The following HDX variants were observed in gnomAD, a reference collection of about 807,000 sequenced individuals.
The protein encoded by HDX is highly divergent homeobox.
In HDX, 19 loss-of-function variants were observed where a neutral mutation model predicts 45.2. That is an observed-to-expected ratio of 0.42 (90% CI 0.29 to 0.62). The LOEUF (loss-of-function observed/expected upper bound fraction) is 0.62, where lower values mean the gene tolerates loss of function less well. Among genes scored for constraint, HDX ranks in the 20% least tolerant of loss-of-function variants. HDX has a pLI of 0.20. For synonymous variants in HDX, 188 were observed against 172.8 expected (o/e 1.09, Z -0.69); for missense variants, 532 against 493.9 (o/e 1.08, Z -0.73).
chrX:84,326,612 G>A (rs1174083158), intron 9 of HDX, among the ~76,000 whole-genome samples: 1 of 111,121 alleles, frequency 9.0e-6, no homozygotes, highest in Non-Finnish European at 1.9e-5. Context: ...TTGGCATTCA[G>A]ATTAAGATTA....
At chrX:84,327,095 C>T (rs1056142269) in intron 9 of HDX, among the ~76,000 whole-genome samples, 7 of 111,515 alleles carry the variant, frequency 6.3e-5, no homozygotes, top group African/African-American at 2.3e-4. Flanking sequence ...TGAGCCTCCA[C>T]AGATTAAGTA....
At chrX:84,356,744 T>A (rs2147836340) in intron 6 of HDX, among the ~76,000 whole-genome samples, 1 of 105,728 alleles carries the variant, frequency 9.5e-6, no homozygotes, top group East Asian at 3.1e-4. Context: ...TGCCTCAGCT[T>A]CCCGAGTAGC....
chrX:84,417,169 A>AGAAT (rs1306200379), intron 5 of HDX, among the ~76,000 whole-genome samples: 1 of 106,245 alleles, frequency 9.4e-6, no homozygotes, highest in Admixed American at 1.0e-4. Context: ...AAAGAAAGAA[A>AGAAT]GAATGAAAGA....
chrX:84,478,327 A>G (rs2040600208), intron 2 of HDX, among the ~76,000 whole-genome samples: 1 of 111,738 alleles, frequency 8.9e-6, no homozygotes, highest in South Asian at 3.7e-4. Context: ...CAATGAGTAT[A>G]ATTTTTTAGA....
At chrX:84,455,808 G>T (rs1471175148) in intron 4 of HDX, among the ~76,000 whole-genome samples, 2 of 111,999 alleles carry the variant, frequency 1.8e-5, no homozygotes, top group Non-Finnish European at 3.8e-5. Context: ...GGATAAAAAA[G>T]AATCCTAAAA....
At chrX:84,498,184 G>A (rs1191219273) in intron 1 of HDX, among the ~76,000 whole-genome samples, 1 of 111,518 alleles carries the variant, frequency 9.0e-6, no homozygotes, top group African/African-American at 3.3e-5. Context: ...CTTTACAGAT[G>A]GAAGATGTAA....
intron 4 of HDX, 149 bp from the exon 5 acceptor site, chrX:84,440,734 C>T (rs896635405): frequency 3.3e-5 from 13 of 399,762 alleles, no homozygotes; most frequent in Non-Finnish European, 5.1e-5. Flanking sequence ...CCTTATTGAA[C>T]TCAACAGATT....
chrX:84,488,029 T>C lies in HDX; in HGVS notation c.-6A>G, dbSNP rs1419358268. The stretch of plus-strand genomic sequence containing the variant: ...GGGAAAACTGGGAAACTCACCCATA[T>C]ATGGTCACTTCATATTCTGACTGCC... On this transcript the variant is annotated 5_prime_UTR_variant, in exon 2 of 11. In the 5' UTR this introduces an upstream ATG that the reference lacks. Coordinates refer to ENST00000373177, the MANE Select transcript of HDX (RefSeq NM_001177479.2). The C allele has an allele frequency of 1.8e-5, 2 of 111,215 alleles. No individual in the cohort carries two copies. 9.2% of individuals were successfully genotyped at this position (111,215 alleles called of 1,213,427 possible).
intron 5 of HDX, among the ~76,000 whole-genome samples, chrX:84,415,626 G>T (rs781457516): frequency 1.8e-5 from 2 of 111,921 alleles, no homozygotes; most frequent in South Asian, 7.5e-4. Flanking sequence ...TTATACTGTT[G>T]TTGCTTCAGT....
chrX:84,399,982 T>G (rs936130095), intron 5 of HDX, among the ~76,000 whole-genome samples: 1 of 111,652 alleles, frequency 9.0e-6, no homozygotes, highest in Non-Finnish European at 1.9e-5. Flanking sequence ...TATCAATACA[T>G]GCAGAAAAGG....
chrX:84,333,888 T>C (rs1265364103), intron 8 of HDX, 46 bp from the exon 9 acceptor site: 1 of 528,253 alleles, frequency 1.9e-6, no homozygotes, highest in Non-Finnish European at 3.2e-6. Context: ...ACATCATTCT[T>C]ACTACACTCA....
rs183861141 is a variant in HDX at position 84,357,908 on chromosome X, G to A, written c.1452+3558C>T. Among the ~76,000 whole-genome samples, 7 of 112,060 alleles carry A rather than the reference G, an allele frequency of 6.2e-5. No homozygotes were observed. The East Asian group carries it at 2.0e-3, about 32-fold the overall frequency. ...AAATCCTTGTTAAAAGACAGCTGGT[G>A]AACAGCCTTTGCCCCTTATTCTTCT... On this transcript the variant is annotated intron_variant, in intron 6 of 10. Coordinates refer to ENST00000373177, the MANE Select transcript of HDX (RefSeq NM_001177479.2).
intron 4 of HDX, among the ~76,000 whole-genome samples, chrX:84,459,874 G>T (rs1399204865): frequency 9.0e-6 from 1 of 111,160 alleles, no homozygotes; most frequent in Non-Finnish European, 1.9e-5. Flanking sequence ...TGATAGTGCA[G>T]AAATTCAAAG....
chrX:84,330,181 A>T (rs2036816262), intron 9 of HDX, among the ~76,000 whole-genome samples: 1 of 111,177 alleles, frequency 9.0e-6, no homozygotes, highest in East Asian at 2.8e-4. Context: ...CACAACTCTT[A>T]CTTGTCAGTT....
At chrX:84,411,462 G>T (rs766557549) in intron 5 of HDX, among the ~76,000 whole-genome samples, 24 of 111,663 alleles carry the variant, frequency 2.1e-4, no homozygotes, top group Non-Finnish European at 4.3e-4. Flanking sequence ...CTGTATAATT[G>T]TATGGTTTTG....
intron 4 of HDX, among the ~76,000 whole-genome samples, chrX:84,444,409 A>T (rs1465812359): frequency 2.7e-5 from 3 of 111,329 alleles, no homozygotes; most frequent in African/African-American, 9.8e-5. Context: ...TACAAAAACT[A>T]TTATAATAGT....
intron 5 of HDX, among the ~76,000 whole-genome samples, chrX:84,426,448 A>C (rs1178807876): frequency 9.0e-6 from 1 of 111,301 alleles, no homozygotes; most frequent in Non-Finnish European, 1.9e-5. Flanking sequence ...AGGTATATAT[A>C]ATGAAATATT....
chrX:84,359,657 G>T (rs1042574884), intron 6 of HDX, among the ~76,000 whole-genome samples: 6 of 111,734 alleles, frequency 5.4e-5, no homozygotes, highest in Non-Finnish European at 1.1e-4. Flanking sequence ...GAACATACGT[G>T]TGCATGTATC....
In HDX at chrX:84,369,311, A is replaced by G. The variant is rs184607558; in HGVS notation, c.1306-7699T>C. On this transcript the variant is annotated intron_variant, in intron 5 of 10. Transcript: ENST00000373177. ...GCATGTACCAAATTTTTGTTCATAC[A>G]TTCATTCATTGATGGATATTTAGAT... is the stretch of plus-strand genomic sequence containing the variant. 2.7e-5 allele frequency among the ~76,000 whole-genome samples: 3 copies of G among 112,206 alleles called. No individual in the cohort carries two copies. In the East Asian group the frequency reaches 8.4e-4, roughly 31 times the overall value.
Sources: gnomAD v4.1 joint callset for allele counts (sites outside exome capture counted in the v4.1 genomes callset) on GRCh38, gnomAD v4.1.1 for gene constraint, MANE v1.5 for transcripts, NCBI Gene and HGNC (gene_info 2026-07-23, HGNC 2026-07-21) for gene names.